The following SHROOM4 variants were observed in gnomAD, a reference collection of about 807,000 sequenced individuals.
SHROOM4 encodes the protein shroom family member 4, also known as protein Shroom4.
In SHROOM4, 17 loss-of-function variants were observed where a neutral mutation model predicts 80.3. The ratio of observed to expected loss-of-function variants is 0.21; its 90% CI spans 0.14 to 0.32. SHROOM4 has a LOEUF of 0.32. SHROOM4 is among the 10% of genes least tolerant of loss of function. The pLI, the probability that SHROOM4 is intolerant of heterozygous loss-of-function variation, is 1.00. For synonymous variants in SHROOM4, 400 were observed against 437.5 expected, an observed-to-expected ratio of 0.91 and a Z score of 1.07; for missense variants, 993 against 1,140.3, an observed-to-expected ratio of 0.87 and a Z score of 1.86.
At chrX:50,702,680 G>A (rs1429472146) in intron 1 of SHROOM4, among the ~76,000 whole-genome samples, 1 of 111,847 alleles carries the variant, frequency 8.9e-6, no homozygotes, top group Middle Eastern at 4.3e-3. Flanking sequence ...TGCTAGAAAT[G>A]TTCTACATAG....
chrX:50,800,662 T>C (rs1428367551), intron 1 of SHROOM4, among the ~76,000 whole-genome samples: 1 of 111,143 alleles, frequency 9.0e-6, no homozygotes, highest in Non-Finnish European at 1.9e-5. Context: ...CCAGGTGGGT[T>C]TGGGGAACAG....
At chrX:50,716,044 C>G (rs1452438068) in intron 1 of SHROOM4, among the ~76,000 whole-genome samples, 1 of 110,380 alleles carries the variant, frequency 9.1e-6, no homozygotes, top group African/African-American at 3.3e-5. Context: ...GAAATCCCAT[C>G]ATTTGTGGCA....
intron 1 of SHROOM4, among the ~76,000 whole-genome samples, chrX:50,741,480 A>G (rs782444910): frequency 1.6e-3 from 183 of 111,318 alleles, no homozygotes; most frequent in African/African-American, 5.8e-3. Context: ...GGTGATATAT[A>G]TGTTAATTTG....
At chrX:50,705,720 C>T (rs150653557) in intron 1 of SHROOM4, among the ~76,000 whole-genome samples, 1,591 of 109,733 alleles carry the variant, frequency 0.014, 13 homozygotes, top group South Asian at 0.029. Context: ...TCCCACCTCT[C>T]CCTGCCCTGC....
chrX:50,764,585 G>A (rs1935232410), intron 1 of SHROOM4, among the ~76,000 whole-genome samples: 1 of 111,481 alleles, frequency 9.0e-6, no homozygotes, highest in African/African-American at 3.3e-5. Flanking sequence ...TTGAGACCTA[G>A]TAGATTTTCT....
chrX:50,619,094 T>C (rs1417862817), intron 5 of SHROOM4, among the ~76,000 whole-genome samples: 2 of 112,108 alleles, frequency 1.8e-5, no homozygotes, highest in African/African-American at 6.5e-5. Context: ...TCTTTTCCGC[T>C]TCCATGGGTT....
intron 1 of SHROOM4, among the ~76,000 whole-genome samples, chrX:50,718,182 T>C (rs190008813): frequency 8.9e-6 from 1 of 112,017 alleles, no homozygotes; most frequent in African/African-American, 3.2e-5. Flanking sequence ...GTTCCCAGTA[T>C]TGTGGTAGAG....
chrX:50,586,422 A>G (rs1928761279), downstream of SHROOM4, among the ~76,000 whole-genome samples: 1 of 111,931 alleles, frequency 8.9e-6, no homozygotes. Flanking sequence ...GATAGAAAAT[A>G]AGTAGCTGGG....
At chrX:50,577,442 G>T in the SHROOM4 span, among the ~76,000 whole-genome samples, 2 of 112,411 alleles carry the variant, frequency 1.8e-5, no homozygotes, top group African/African-American at 3.2e-5. Flanking sequence ...TACAAGTGGA[G>T]ATTTTAATAG....
At chrX:50,771,548 C>A (rs1336376979) in intron 1 of SHROOM4, among the ~76,000 whole-genome samples, 1 of 112,021 alleles carries the variant, frequency 8.9e-6, no homozygotes, top group Non-Finnish European at 1.9e-5. Flanking sequence ...CTGCCTTCTT[C>A]TAGCCCATAA....
rs782104227 is a variant in SHROOM4, at chrX:50,591,266, C to T, written c.*5429G>A. On this transcript the variant is annotated 3_prime_UTR_variant, in exon 9 of 9. Transcript: ENST00000376020. The stretch of plus-strand genomic sequence containing the variant: ...TAATTCCATTTATTTATACACCTAC[C>T]CTTGTGTCTGTACCACACTGTCTTG... 2.7e-5 allele frequency among the ~76,000 whole-genome samples: 3 copies of T among 112,024 alleles called. No individual in the cohort carries two copies. In the East Asian group the frequency reaches 8.4e-4, roughly 31 times the overall value.
rs923918813 is a variant in SHROOM4 at position 50,798,067 on chromosome X, C to G, written c.117+15835G>C. ...GGGGAGAGGGAGAGAGGGAGGCCACCCCTCACTTAAAAAAAATTTATTGAC... is the reference window on the plus strand; with the variant it reads ...GGGGAGAGGGAGAGAGGGAGGCCACGCCTCACTTAAAAAAAATTTATTGAC... On this transcript the variant is annotated intron_variant, in intron 1 of 8. Transcript: ENST00000376020. Among the ~76,000 whole-genome samples, 13 of 110,101 alleles carry G rather than the reference C, an allele frequency of 1.2e-4. No individual in the cohort carries two copies. In the South Asian group the frequency reaches 1.2e-3, roughly 10 times the overall value.
At chrX:50,642,458 G>T (rs1931638904) in intron 2 of SHROOM4, among the ~76,000 whole-genome samples, 1 of 111,292 alleles carries the variant, frequency 9.0e-6, no homozygotes, top group Admixed American at 9.5e-5. Flanking sequence ...TTTTATTATT[G>T]TTATTATTAT....
intron 1 of SHROOM4, among the ~76,000 whole-genome samples, chrX:50,696,641 C>A (rs965831190): frequency 7.1e-5 from 8 of 112,427 alleles, no homozygotes; most frequent in South Asian, 3.7e-4. Flanking sequence ...CAAGTAGGTA[C>A]AATGTAGCTG....
chrX:50,781,515 G>A (rs190739641), intron 1 of SHROOM4, among the ~76,000 whole-genome samples: 3 of 110,560 alleles, frequency 2.7e-5, no homozygotes, highest in African/African-American at 9.9e-5. Flanking sequence ...CAGAGGCTTA[G>A]CAGGGACAAT....
At chrX:50,791,577 CTTTTTTTTTT>C (rs782127144) in intron 1 of SHROOM4, among the ~76,000 whole-genome samples, 165 of 57,986 alleles carry the variant, frequency 2.8e-3, no homozygotes, top group African/African-American at 0.014. Context: ...CCATGCCTGA[CTTTTTTTTTT>C]TTTTTTTTTT....
chrX:50,700,905 G>T (rs1486515548), intron 1 of SHROOM4, among the ~76,000 whole-genome samples: 1 of 111,907 alleles, frequency 8.9e-6, no homozygotes, highest in African/African-American at 3.2e-5. Flanking sequence ...TGGATAGAGG[G>T]AAGAGGTGTA....
chrX:50,591,673 C>A lies in SHROOM4; in HGVS notation c.*5022G>T. 1 of 269,559 alleles carries A rather than the reference C, an allele frequency of 3.7e-6. No homozygotes were observed. Among genetic ancestry groups the A allele is most frequent in the Non-Finnish European group, 6.6e-6 (1 of 152,027 alleles). The allele number at this position is 269,559 out of a possible 1,213,427, so 22.2% of individuals were successfully genotyped here. A position where few individuals can be genotyped will look rare whatever the true frequency, so the allele number is the denominator to read the frequency against. ...ATGCTATTGTAAATGGAACTGTTTT[C>A]TTTCTTTCTTTCTTTCTTTCTTTTC... is the stretch of plus-strand genomic sequence containing the variant. On this transcript the variant is annotated 3_prime_UTR_variant, in exon 9 of 9. Coordinates refer to ENST00000376020, the MANE Select transcript of SHROOM4 (RefSeq NM_020717.5).
At position 50,698,890 on chromosome X, in the gene SHROOM4, G is replaced by T. The variant is rs782076064; in HGVS notation, c.118-2953C>A. Among the ~76,000 whole-genome samples the T allele has an allele frequency of 7.1e-5, 8 of 112,158 alleles. No individual in the cohort carries two copies. The South Asian group carries it at 3.0e-3, about 42-fold the overall frequency. ...TGATATGCATATTCTTCCGTAAAAG[G>T]TTTTGTTTTCCCCTTCCCACCTTCC... On this transcript the variant is annotated intron_variant, in intron 1 of 8. Transcript: ENST00000376020.
Sources: allele counts gnomAD v4.1 joint callset (sites outside exome capture counted in the v4.1 genomes callset), GRCh38; gene constraint gnomAD v4.1.1; transcripts MANE v1.5; gene names NCBI Gene and HGNC (gene_info 2026-07-23, HGNC 2026-07-21).